Variants in GFM1 observed in about 807,000 individuals in gnomAD.
GFM1 encodes G elongation factor mitochondrial 1, also known as elongation factor G, mitochondrial.
GFM1 carries 62 observed loss-of-function variants against 96.2 expected under a neutral mutation model. The observed-to-expected ratio is 0.64, with a 90% CI of 0.53 to 0.80. GFM1 has a LOEUF of 0.80. Ranked by LOEUF, GFM1 falls within the 30% of genes least tolerant of loss-of-function variation. The probability of loss-of-function intolerance (pLI) is 0.00; values close to 1 mark genes in which losing one functional copy is unlikely to be tolerated. For missense variants in GFM1, 852 were observed against 916.6 expected (o/e 0.93, Z 0.91); for synonymous variants, 282 against 312.9 (o/e 0.90, Z 1.04).
intron 12 of GFM1, 77 bp from the exon 13 acceptor site, chr3:158,666,227 G>C: frequency 1.1e-6 from 1 of 935,632 alleles, no homozygotes; most frequent in South Asian, 1.4e-5. Context: ...ATGCTACTAA[G>C]ATATATAAGA....
At chr3:158,671,983 C>T (rs7624934) in intron 13 of GFM1, among the ~76,000 whole-genome samples, 63,207 of 151,964 alleles carry the variant, frequency 0.42, 14,292 homozygotes, top group African/African-American at 0.6. Flanking sequence ...TTTTGTTGGT[C>T]CAGATCAGAG....
intron 11 of GFM1, 143 bp from the exon 12 acceptor site, chr3:158,665,194 A>G: frequency 1.5e-6 from 1 of 652,352 alleles, no homozygotes; most frequent in East Asian, 2.8e-5. Flanking sequence ...GTTTTTAAAA[A>G]TGGTGTGGAG....
rs766108707 is a variant in GFM1 at position 158,691,512 on chromosome 3, T to G, written c.*45T>G. 2 of 1,605,742 alleles carry G rather than the reference T, an allele frequency of 1.2e-6. No individual in the cohort carries two copies. Among genetic ancestry groups the G allele is most frequent in the South Asian group, 2.2e-5 (2 of 90,282 alleles). ...ACTGACTCTAATTGAATCTGCGTGGTTTTGATACTTTGATGGATTCCAGTG... is the reference window on the plus strand; with the variant it reads ...ACTGACTCTAATTGAATCTGCGTGGGTTTGATACTTTGATGGATTCCAGTG... On this transcript the variant is annotated 3_prime_UTR_variant, in exon 18 of 18. Transcript: ENST00000486715.
At chr3:158,681,448 GACTT>G (rs1385868403) in intron 13 of GFM1, among the ~76,000 whole-genome samples, 3 of 152,110 alleles carry the variant, frequency 2.0e-5, no homozygotes, top group Non-Finnish European at 2.9e-5. Context: ...TCTTTTGAAT[GACTT>G]ACTTATGTTA....
chr3:158,645,286 A>G (rs1721679685), intron 1 of GFM1, among the ~76,000 whole-genome samples: 1 of 152,214 alleles, frequency 6.6e-6, no homozygotes, highest in African/African-American at 2.4e-5. Context: ...AATTTAAGCT[A>G]AAATTTGTAT....
intron 8 of GFM1, chr3:158,657,480 T>A (rs1353051675): frequency 2.6e-5 from 4 of 152,208 alleles, no homozygotes; most frequent in Non-Finnish European, 5.9e-5. Flanking sequence ...TCTATTGTAA[T>A]CTTTTATCTT....
chr3:158,665,552 A>G (rs1297546014), intron 12 of GFM1, 78 bp downstream of exon 12: 1 of 1,298,564 alleles, frequency 7.7e-7, no homozygotes, highest in East Asian at 2.4e-5. Flanking sequence ...TTCTCAATCT[A>G]ATGTCTGTAA....
chr3:158,646,948 G>T lies in GFM1; in HGVS notation c.572+1G>T. 6.2e-7 allele frequency: 1 copy of T among 1,611,912 alleles called. No homozygotes were observed. Among genetic ancestry groups the T allele is most frequent in the Non-Finnish European group, 8.5e-7 (1 of 1,178,008 alleles). The stretch of plus-strand genomic sequence containing the variant: ...CAGCCAGGGCCCTGCAGCAAATGAG[G>T]TAATGAGCCTTAGAATAAACAAAGA... On this transcript the variant is annotated splice_donor_variant, in intron 4 of 17. Coordinates refer to ENST00000486715, the MANE Select transcript of GFM1 (RefSeq NM_024996.7). LOFTEE classifies it high-confidence loss of function.
At chr3:158,650,511 A>G (rs1201250445) in intron 5 of GFM1, 1 of 163,032 alleles carries the variant, frequency 6.1e-6, no homozygotes, top group Non-Finnish European at 1.4e-5. Context: ...AGTTTACTGT[A>G]TGTGTATTTG....
intron 4 of GFM1, among the ~76,000 whole-genome samples, chr3:158,648,705 G>T (rs1722048313): frequency 1.3e-5 from 2 of 151,022 alleles, no homozygotes; most frequent in Non-Finnish European, 3.0e-5. Context: ...AAAAAAAGAG[G>T]TGGGCTCAGC....
At chr3:158,660,697 C>T (rs989891277) in intron 9 of GFM1, 177 bp from the exon 10 acceptor site, 8 of 611,270 alleles carry the variant, frequency 1.3e-5, no homozygotes, top group East Asian at 8.4e-5. Context: ...TTTAAAAATA[C>T]GTCTTAGCAT....
At chr3:158,669,034 A>ATG (rs1724002155) in intron 13 of GFM1, 1 of 1,613,350 alleles carries the variant, frequency 6.2e-7, no homozygotes, top group Non-Finnish European at 8.5e-7. Context: ...ATTTTATACC[A>ATG]TGTGTCTTCA....
chr3:158,690,429 G>GCTTT (rs2108117784), intron 16 of GFM1, 106 bp downstream of exon 16: 1 of 1,092,140 alleles, frequency 9.2e-7, no homozygotes, highest in African/African-American at 1.5e-5. Flanking sequence ...TGAATTTGTG[G>GCTTT]CTTTATACAT....
intron 5 of GFM1, among the ~76,000 whole-genome samples, chr3:158,651,494 T>G (rs749200949): frequency 3.3e-5 from 5 of 151,828 alleles, no homozygotes; most frequent in African/African-American, 4.9e-5. Context: ...CTACTTCATA[T>G]GTGAAGATCA....
chr3:158,672,395 C>CGG, intron 13 of GFM1: 1 of 1,614,024 alleles, frequency 6.2e-7, no homozygotes, highest in Non-Finnish European at 8.5e-7. Context: ...ACACCCTGTG[C>CGG]GGGGTCCCCT....
chr3:158,669,231 T>C, intron 13 of GFM1: 3 of 1,342,674 alleles, frequency 2.2e-6, no homozygotes, highest in African/African-American at 3.0e-5. Context: ...CTTCGAATGT[T>C]GTGCAAAAAA....
rs1488730388 is a variant in GFM1, at chr3:158,682,039, A to G, written c.1646A>G (p.Tyr549Cys). Residue 549 changes from tyrosine (Y) to cysteine (C), a missense_variant, in exon 14 of 18, where the codon TAT (tyrosine) becomes TGT (cysteine). Transcript: ENST00000486715. ...AAACAATCAGGTGGTGCAGGCCAGTATGGAAAAGTAATAGGTGTCCTGGAG... is the reference window on the plus strand; with the variant it reads ...AAACAATCAGGTGGTGCAGGCCAGTGTGGAAAAGTAATAGGTGTCCTGGAG... ...HKKQSGGAGQ[Y>C]GKVIGVLEPL... is the part of the protein sequence containing the mutation. The G allele has an allele frequency of 2.5e-6, 4 of 1,613,586 alleles. No homozygotes were observed. Among genetic ancestry groups the G allele is most frequent in the African/African-American group, 1.3e-5 (1 of 74,884 alleles).
rs921891345 is a variant in GFM1 at position 158,660,806 on chromosome 3, A to G, written c.1222-68A>G. On this transcript the variant is annotated intron_variant, in intron 9 of 17. Coordinates refer to ENST00000486715, the MANE Select transcript of GFM1 (RefSeq NM_024996.7). The stretch of plus-strand genomic sequence containing the variant: ...ATACAATGTGTGTACTGTACAGTTT[A>G]CTTTTTAGTTACCACATCTTTATTT... The G allele has an allele frequency of 2.3e-6, 3 of 1,301,188 alleles. No individual in the cohort carries two copies. In the African/African-American group the frequency reaches 4.4e-5, roughly 19 times the overall value. 80.6% of individuals were successfully genotyped at this position (1,301,188 alleles called of 1,614,324 possible). A position where few individuals can be genotyped will look rare whatever the true frequency, so the allele number is the denominator to read the frequency against.
chr3:158,674,081 T>C (rs1263890413), intron 13 of GFM1, among the ~76,000 whole-genome samples: 2 of 90,082 alleles, frequency 2.2e-5, no homozygotes, highest in East Asian at 4.6e-4. Flanking sequence ...ACACATGACC[T>C]TTTTTTTTTT....
Sources: allele counts gnomAD v4.1 joint callset (sites outside exome capture counted in the v4.1 genomes callset), GRCh38; gene constraint gnomAD v4.1.1; transcripts MANE v1.5; gene names NCBI Gene and HGNC (gene_info 2026-07-23, HGNC 2026-07-21).